The following SND1 variants were observed in gnomAD, a reference collection of about 807,000 sequenced individuals.
The protein encoded by SND1 is staphylococcal nuclease and tudor domain containing 1.
Under a neutral mutation model 121.7 loss-of-function variants are expected in SND1, and 38 were observed. The ratio of observed to expected loss-of-function variants is 0.31; its 90% confidence interval spans 0.24 to 0.41. SND1 has a LOEUF of 0.41. Ranked by LOEUF, SND1 falls within the 10% of genes least tolerant of loss-of-function variation. The pLI is 1.00. For synonymous variants in SND1, 401 were observed against 447.4 expected, an observed-to-expected ratio of 0.90 and a Z score of 1.31; for missense variants, 868 against 1,184.6, an observed-to-expected ratio of 0.73 and a Z score of 3.92.
At chr7:127,908,787 C>G (rs1800398155) in intron 14 of SND1, among the ~76,000 whole-genome samples, 1 of 152,150 alleles carries the variant, frequency 6.6e-6, no homozygotes, top group South Asian at 2.1e-4. Context: ...TCAGGTTTCT[C>G]AGCTGTTCTT....
At chr7:127,997,493 T>G (rs1278193845) in intron 16 of SND1, 2 of 343,142 alleles carry the variant, frequency 5.8e-6, no homozygotes, top group South Asian at 2.3e-5. Context: ...GTTGTCTGAT[T>G]CCTGCTTCAT....
intron 16 of SND1, among the ~76,000 whole-genome samples, chr7:128,060,323 A>G (rs781259045): frequency 9.9e-5 from 15 of 152,188 alleles, no homozygotes; most frequent in Admixed American, 4.6e-4. Flanking sequence ...TCACACAACA[A>G]GCAGATCAAA....
intron 12 of SND1, among the ~76,000 whole-genome samples, chr7:127,848,794 A>G (rs145680028): frequency 6.6e-6 from 1 of 152,306 alleles, no homozygotes; most frequent in African/African-American, 2.4e-5. Flanking sequence ...TGCATTTCAC[A>G]TGCAGGGAGT....
At chr7:127,835,374 C>A (rs1179070578) in intron 11 of SND1, among the ~76,000 whole-genome samples, 1 of 152,136 alleles carries the variant, frequency 6.6e-6, no homozygotes, top group Non-Finnish European at 1.5e-5. Flanking sequence ...GATTTAATTT[C>A]TCCTGACTGC....
At chr7:127,931,800 T>A (rs1434658318) in intron 15 of SND1, among the ~76,000 whole-genome samples, 1 of 152,202 alleles carries the variant, frequency 6.6e-6, no homozygotes, top group African/African-American at 2.4e-5. Context: ...CTGCCTGTGC[T>A]CTGTAAAAGG....
At chr7:127,738,267 G>A (rs1259334864) in intron 10 of SND1, among the ~76,000 whole-genome samples, 9 of 149,490 alleles carry the variant, frequency 6.0e-5, no homozygotes, top group Admixed American at 1.3e-4. Context: ...TTCCTAAAAG[G>A]TGTTTCTTTT....
At chr7:127,775,408 T>TA (rs892763995) in intron 10 of SND1, among the ~76,000 whole-genome samples, 32 of 141,432 alleles carry the variant, frequency 2.3e-4, no homozygotes, top group South Asian at 1.1e-3. Context: ...ACAAATATAA[T>TA]AAAAAAAACA....
At chr7:128,082,118 G>A (rs1024162033) in intron 18 of SND1, among the ~76,000 whole-genome samples, 1 of 152,170 alleles carries the variant, frequency 6.6e-6, no homozygotes, top group South Asian at 2.1e-4. Flanking sequence ...CAGAGACCTG[G>A]GGTTTCTGGA....
intron 10 of SND1, among the ~76,000 whole-genome samples, chr7:127,763,177 T>C (rs1797335995): frequency 6.6e-6 from 1 of 152,192 alleles, no homozygotes; most frequent in Non-Finnish European, 1.5e-5. Context: ...GTATAAAATA[T>C]ATATAAATGT....
At chr7:127,792,886 T>C (rs1797938996) in intron 10 of SND1, among the ~76,000 whole-genome samples, 1 of 152,188 alleles carries the variant, frequency 6.6e-6, no homozygotes, top group Non-Finnish European at 1.5e-5. Flanking sequence ...CTGGCAGGAA[T>C]AGGAAAGATC....
intron 8 of SND1, among the ~76,000 whole-genome samples, chr7:127,706,639 T>C (rs929756801): frequency 2.6e-5 from 4 of 152,288 alleles, no homozygotes; most frequent in African/African-American, 9.6e-5. Context: ...GAAGATTTTA[T>C]GGATTTTTTG....
intron 11 of SND1, among the ~76,000 whole-genome samples, chr7:127,833,970 G>T (rs982563033): frequency 1.3e-5 from 2 of 149,056 alleles, no homozygotes; most frequent in African/African-American, 4.9e-5. Flanking sequence ...TTGTAAGTAA[G>T]TTTTTTTTTT....
intron 10 of SND1, among the ~76,000 whole-genome samples, chr7:127,735,701 A>G (rs750201917): frequency 3.3e-5 from 5 of 152,134 alleles, no homozygotes; most frequent in Non-Finnish European, 7.4e-5. Context: ...ATCTTGGCTC[A>G]CTGCAACTTC....
chr7:128,001,836 C>T (rs1228412838), intron 16 of SND1, among the ~76,000 whole-genome samples: 1 of 152,184 alleles, frequency 6.6e-6, no homozygotes, highest in Non-Finnish European at 1.5e-5. Context: ...GAGGCTGAGG[C>T]AGGAGAATCA....
chr7:127,970,679 G>A (rs1056032620), intron 15 of SND1, among the ~76,000 whole-genome samples: 2 of 152,212 alleles, frequency 1.3e-5, no homozygotes, highest in African/African-American at 4.8e-5. Flanking sequence ...AGCACTTGCT[G>A]TTAATCCCTT....
rs1049691429 is a variant in SND1, at chr7:127,997,184, T to G, written c.1779+6128T>G. On this transcript the variant is annotated intron_variant, in intron 16 of 23. Transcript: ENST00000354725. The stretch of plus-strand genomic sequence containing the variant: ...CTAATGGTAAGACATATACTAAAAC[T>G]CAAATATCTGCATTCCAAATCAAAT... Among the ~76,000 whole-genome samples the G allele has an allele frequency of 3.0e-4, 46 of 152,228 alleles. 1 individual carries two copies. Among genetic ancestry groups the G allele is most frequent in the Admixed American group, 2.9e-3 (45 of 15,290 alleles).
At chr7:127,942,796 T>C (rs1398705341) in intron 15 of SND1, among the ~76,000 whole-genome samples, 5 of 152,346 alleles carry the variant, frequency 3.3e-5, no homozygotes, top group Middle Eastern at 3.4e-3. Context: ...TTCTCTGATA[T>C]AATCTTCATT....
chr7:127,884,522 A>G (rs1358278064), intron 12 of SND1, among the ~76,000 whole-genome samples: 1 of 152,136 alleles, frequency 6.6e-6, no homozygotes, highest in East Asian at 1.9e-4. Flanking sequence ...GCTGAGGGAC[A>G]TAGGGTTCCT....
intron 13 of SND1, among the ~76,000 whole-genome samples, chr7:127,896,959 G>T (rs766574834): frequency 1.3e-5 from 2 of 152,114 alleles, no homozygotes; most frequent in Non-Finnish European, 1.5e-5. Flanking sequence ...ATCCTTAGAA[G>T]TCTCTCAGGA....
Sources: allele counts gnomAD v4.1 joint callset (sites outside exome capture counted in the v4.1 genomes callset), GRCh38; gene constraint gnomAD v4.1.1; transcripts MANE v1.5; gene names NCBI Gene and HGNC (gene_info 2026-07-23, HGNC 2026-07-21).